LRBA: variants seen among roughly 807,000 people sequenced by gnomAD.
The protein encoded by LRBA is lipopolysaccharide-responsive and beige-like anchor protein.
LRBA carries 176 observed loss-of-function variants against 330.0 expected under a neutral mutation model. That is an observed-to-expected ratio of 0.53 (90% CI 0.47 to 0.60). The LOEUF (loss-of-function observed/expected upper bound fraction) is 0.60, where lower values mean the gene tolerates loss of function less well. LRBA is among the 20% of genes least tolerant of loss of function. The pLI is 0.00. For synonymous variants in LRBA, 1,230 were observed against 1,193.0 expected, an observed-to-expected ratio of 1.03 and a Z score of -0.64; for missense variants, 3,259 against 3,444.8, an observed-to-expected ratio of 0.95 and a Z score of 1.35.
chr4:150,679,176 A>C (rs981132956), intron 37 of LRBA, among the ~76,000 whole-genome samples: 4 of 152,218 alleles, frequency 2.6e-5, no homozygotes, highest in Non-Finnish European at 5.9e-5. Flanking sequence ...CCTGATTTAA[A>C]ATCAACACCA....
intron 2 of LRBA, among the ~76,000 whole-genome samples, chr4:150,988,799 G>A (rs1044209644): frequency 7.3e-5 from 11 of 151,624 alleles, no homozygotes; most frequent in African/African-American, 1.7e-4. Context: ...GGATGGTCTC[G>A]ATCTCTTGAC....
intron 13 of LRBA, among the ~76,000 whole-genome samples, chr4:150,901,068 C>CG (rs1730669445): frequency 6.6e-6 from 1 of 152,086 alleles, no homozygotes; most frequent in Non-Finnish European, 1.5e-5. Flanking sequence ...GAGGCTGAGG[C>CG]GGGCAGATCA....
chr4:150,685,401 TATATATATATATATA>T (rs1783466727), intron 36 of LRBA, among the ~76,000 whole-genome samples: 3 of 14,752 alleles, frequency 2.0e-4, no homozygotes, highest in African/African-American at 7.1e-4. Context: ...TATATATATA[TATATATATATATATA>T]TATATTTTTT....
At chr4:150,286,884 G>A (rs1260218563) in intron 53 of LRBA, among the ~76,000 whole-genome samples, 1 of 152,200 alleles carries the variant, frequency 6.6e-6, no homozygotes, top group Non-Finnish European at 1.5e-5. Context: ...ATTTGTGGAT[G>A]GGTTCGTGCC....
intron 2 of LRBA, among the ~76,000 whole-genome samples, chr4:150,959,203 T>C (rs568658629): frequency 1.3e-5 from 2 of 149,428 alleles, no homozygotes; most frequent in African/African-American, 5.2e-5. Context: ...ACATCTTACA[T>C]GGCAGCAGCC....
chr4:150,642,448 T>G (rs886609967), intron 37 of LRBA, among the ~76,000 whole-genome samples: 3 of 151,904 alleles, frequency 2.0e-5, no homozygotes, highest in African/African-American at 7.2e-5. Flanking sequence ...TATTCCATTT[T>G]CTAAGGTAAA....
At chr4:150,936,576 C>T (rs1173138449) in intron 2 of LRBA, among the ~76,000 whole-genome samples, 1 of 151,822 alleles carries the variant, frequency 6.6e-6, no homozygotes, top group Non-Finnish European at 1.5e-5. Flanking sequence ...CCATACAAAA[C>T]TAGTAATTCC....
chr4:150,999,443 A>G (rs1441202658), intron 2 of LRBA, among the ~76,000 whole-genome samples: 1 of 150,862 alleles, frequency 6.6e-6, no homozygotes, highest in Admixed American at 6.6e-5. Flanking sequence ...TTTTTTTTTA[A>G]TTCTATAGAG....
chr4:150,271,670 G>C (rs1055322249), intron 56 of LRBA, among the ~76,000 whole-genome samples: 1 of 151,956 alleles, frequency 6.6e-6, no homozygotes, highest in Non-Finnish European at 1.5e-5. Context: ...AAGCTTGGTG[G>C]GGGGAGGAGC....
intron 36 of LRBA, among the ~76,000 whole-genome samples, chr4:150,686,827 T>C (rs1002533974): frequency 6.6e-6 from 1 of 152,154 alleles, no homozygotes; most frequent in Middle Eastern, 3.2e-3. Flanking sequence ...CTCTTATTAA[T>C]ATATTAATTT....
At chr4:150,942,613 T>C (rs1395736922) in intron 2 of LRBA, among the ~76,000 whole-genome samples, 1 of 152,220 alleles carries the variant, frequency 6.6e-6, no homozygotes, top group Non-Finnish European at 1.5e-5. Context: ...TCACTATTTC[T>C]TAGAATGCAC....
At chr4:150,650,451 C>T (rs1779601952) in intron 37 of LRBA, among the ~76,000 whole-genome samples, 1 of 151,992 alleles carries the variant, frequency 6.6e-6, no homozygotes, top group African/African-American at 2.4e-5. Flanking sequence ...TATTTGTTTC[C>T]AAATGAACAA....
chr4:150,805,574 AGG>A, intron 33 of LRBA, among the ~76,000 whole-genome samples: 1 of 132,422 alleles, frequency 7.6e-6, no homozygotes, highest in Non-Finnish European at 1.6e-5. Flanking sequence ...AGGAAAGGAA[AGG>A]AAAGGAAAGG....
Position 150,462,837 on chromosome 4 carries a change from A to G in LRBA, c.6780+4836T>C, listed in dbSNP as rs373730561. Reference sequence around the variant, plus strand: ...TCACAAGTTTATTTAAACAAACAGTAATGTTTACAAAATGTATACTATGGG... The same window carrying G: ...TCACAAGTTTATTTAAACAAACAGTGATGTTTACAAAATGTATACTATGGG... On this transcript the variant is annotated intron_variant, in intron 44 of 56. Coordinates refer to ENST00000651943, the MANE Select transcript of LRBA (RefSeq NM_001364905.1). Among the ~76,000 whole-genome samples the G allele has an allele frequency of 3.7e-4, 56 of 152,048 alleles. 1 individual carries two copies. The East Asian group carries it at 9.6e-3, about 26-fold the overall frequency.
intron 40 of LRBA, among the ~76,000 whole-genome samples, chr4:150,548,634 A>T (rs1249322141): frequency 4.6e-5 from 7 of 151,956 alleles, no homozygotes; most frequent in Admixed American, 2.6e-4. Context: ...AAACAGATTT[A>T]AAAAAAAATT....
At position 150,530,161 on chromosome 4, in the gene LRBA, C is replaced by A. The variant is rs56712697; in HGVS notation, c.6331-39126G>T. On this transcript the variant is annotated intron_variant, in intron 40 of 56. Transcript: ENST00000651943. ...CATGGTTCATACAAATTCAGAAAAC[C>A]ATTTAAGAAAAGAACTGTCCAACCT... 1.2e-3 allele frequency among the ~76,000 whole-genome samples: 182 copies of A among 152,122 alleles called. 4 individuals are homozygous for A. Among genetic ancestry groups the A allele is most frequent in the African/African-American group, 4.3e-3 (178 of 41,502 alleles).
chr4:150,295,541 A>T (rs878917551), intron 53 of LRBA, among the ~76,000 whole-genome samples: 3 of 152,166 alleles, frequency 2.0e-5, no homozygotes, highest in Admixed American at 2.0e-4. Context: ...GTACATGCTC[A>T]TTATAAAACA....
intron 47 of LRBA, among the ~76,000 whole-genome samples, chr4:150,402,646 G>GA (rs913967099): frequency 6.6e-6 from 1 of 151,902 alleles, no homozygotes; most frequent in Non-Finnish European, 1.5e-5. Flanking sequence ...TTAGTGGAGA[G>GA]AAAAAATGGC....
intron 50 of LRBA, among the ~76,000 whole-genome samples, chr4:150,319,413 A>G (rs976719651): frequency 6.6e-6 from 1 of 152,184 alleles, no homozygotes; most frequent in Non-Finnish European, 1.5e-5. Flanking sequence ...CACATAGAGT[A>G]GGTAAATCCT....
Sources: gnomAD v4.1 joint callset for allele counts (sites outside exome capture counted in the v4.1 genomes callset) on GRCh38, gnomAD v4.1.1 for gene constraint, MANE v1.5 for transcripts, NCBI Gene and HGNC (gene_info 2026-07-23, HGNC 2026-07-21) for gene names.